The following FHIT variants were observed in gnomAD, a reference collection of about 807,000 sequenced individuals.
FHIT encodes bis(5'-adenosyl)-triphosphatase.
FHIT carries 19 observed loss-of-function variants against 17.9 expected under a neutral mutation model. The observed-to-expected ratio is 1.06, with a 90% CI of 0.74 to 1.56. The LOEUF (loss-of-function observed/expected upper bound fraction) is 1.56. Among genes scored for constraint, FHIT ranks in the 40% most tolerant of loss-of-function variants. The pLI is 0.00. For synonymous variants in FHIT, 81 were observed against 69.7 expected (o/e 1.16, Z -0.81); for missense variants, 248 against 189.2 (o/e 1.31, Z -1.82).
intron 4 of FHIT, among the ~76,000 whole-genome samples, chr3:60,573,380 C>T (rs1244155184): frequency 6.6e-6 from 1 of 152,184 alleles, no homozygotes; most frequent in Non-Finnish European, 1.5e-5. Context: ...ATGCTTTCCT[C>T]ACAAATGTCC....
chr3:60,113,800 G>T (rs1245700909), intron 5 of FHIT, among the ~76,000 whole-genome samples: 1 of 149,908 alleles, frequency 6.7e-6, no homozygotes, highest in Non-Finnish European at 1.5e-5. Context: ...AGGAGATCGA[G>T]ACCATCCTGG....
intron 5 of FHIT, among the ~76,000 whole-genome samples, chr3:60,097,358 G>T (rs1461600929): frequency 6.6e-6 from 1 of 152,042 alleles, no homozygotes; most frequent in Non-Finnish European, 1.5e-5. Flanking sequence ...AGGAGCCCAG[G>T]GTAGTGCTAC....
intron 7 of FHIT, among the ~76,000 whole-genome samples, chr3:60,005,370 T>C (rs897223652): frequency 6.6e-6 from 1 of 152,086 alleles, no homozygotes; most frequent in Non-Finnish European, 1.5e-5. Context: ...AGAGAGGAAG[T>C]TTCCCAAAGG....
chr3:60,160,713 T>C (rs1225249624), intron 5 of FHIT, among the ~76,000 whole-genome samples: 5 of 152,122 alleles, frequency 3.3e-5, no homozygotes, highest in Non-Finnish European at 5.9e-5. Context: ...AGCTAAACTG[T>C]TTTTTATCAA....
At chr3:61,100,528 CAT>C (rs2035785971) in intron 2 of FHIT, among the ~76,000 whole-genome samples, 1 of 152,156 alleles carries the variant, frequency 6.6e-6, no homozygotes, top group African/African-American at 2.4e-5. Flanking sequence ...CATACATGTG[CAT>C]ATGTCTTTAT....
chr3:60,953,981 C>T (rs569733025), intron 3 of FHIT, among the ~76,000 whole-genome samples: 1 of 152,122 alleles, frequency 6.6e-6, no homozygotes, highest in Non-Finnish European at 1.5e-5. Context: ...ATTAATGGAG[C>T]CCAAAGGGTT....
chr3:61,067,099 G>A (rs2034638570), intron 2 of FHIT, among the ~76,000 whole-genome samples: 3 of 152,186 alleles, frequency 2.0e-5, no homozygotes, highest in African/African-American at 7.2e-5. Context: ...GAGGACCCTG[G>A]CAGCACATGA....
At chr3:59,925,437 C>A (rs1336301681) in intron 7 of FHIT, among the ~76,000 whole-genome samples, 1 of 152,154 alleles carries the variant, frequency 6.6e-6, no homozygotes, top group African/African-American at 2.4e-5. Flanking sequence ...GCTTCTCTGG[C>A]TTTCTGCACT....
intron 5 of FHIT, among the ~76,000 whole-genome samples, chr3:60,218,511 A>C (rs1374342275): frequency 1.3e-5 from 2 of 152,168 alleles, no homozygotes; most frequent in Non-Finnish European, 2.9e-5. Flanking sequence ...GCATTCTAAC[A>C]AATGTTATCT....
At chr3:59,954,897 G>T (rs554402045) in intron 7 of FHIT, among the ~76,000 whole-genome samples, 1 of 152,140 alleles carries the variant, frequency 6.6e-6, no homozygotes, top group Non-Finnish European at 1.5e-5. Context: ...GTTCCAGAAG[G>T]TAATCACTTT....
At chr3:60,676,363 C>G (rs1471469468) in intron 4 of FHIT, among the ~76,000 whole-genome samples, 1 of 152,176 alleles carries the variant, frequency 6.6e-6, no homozygotes, top group Non-Finnish European at 1.5e-5. Context: ...CAAAGGCTGA[C>G]ACTTCTGATA....
intron 4 of FHIT, among the ~76,000 whole-genome samples, chr3:60,696,101 G>T (rs1398615676): frequency 1.3e-5 from 2 of 151,988 alleles, no homozygotes; most frequent in Non-Finnish European, 1.5e-5. Flanking sequence ...GGGTAATGCT[G>T]CTTTAAAAGA....
intron 5 of FHIT, among the ~76,000 whole-genome samples, chr3:60,175,459 A>G (rs540402858): frequency 2.0e-5 from 3 of 152,180 alleles, no homozygotes; most frequent in Non-Finnish European, 4.4e-5. Flanking sequence ...CCTAGTTATA[A>G]TATCTTGGAA....
intron 4 of FHIT, among the ~76,000 whole-genome samples, chr3:60,652,106 C>A (rs1217132250): frequency 6.6e-6 from 1 of 152,086 alleles, no homozygotes; most frequent in Non-Finnish European, 1.5e-5. Context: ...CAGAAAGAAT[C>A]GAGCCTCAGA....
chr3:60,982,561 T>C (rs1710541214), intron 3 of FHIT, among the ~76,000 whole-genome samples: 1 of 152,214 alleles, frequency 6.6e-6, no homozygotes, highest in South Asian at 2.1e-4. Context: ...CCATTTGTTG[T>C]CCTTTCTGCT....
At chr3:60,165,064 C>A (rs1326736246) in intron 5 of FHIT, among the ~76,000 whole-genome samples, 1 of 152,100 alleles carries the variant, frequency 6.6e-6, no homozygotes, top group Non-Finnish European at 1.5e-5. Context: ...TTTCACAAGC[C>A]AGGCAAATAA....
At chr3:60,104,936 C>CCT (rs1704344669) in intron 5 of FHIT, among the ~76,000 whole-genome samples, 2 of 152,032 alleles carry the variant, frequency 1.3e-5, no homozygotes, top group South Asian at 4.2e-4. Context: ...TGTTTAATAT[C>CCT]CTCTCTTGAA....
chr3:60,321,500 C>T (rs184000705), intron 5 of FHIT, among the ~76,000 whole-genome samples: 1 of 152,024 alleles, frequency 6.6e-6, no homozygotes, highest in Non-Finnish European at 1.5e-5. Flanking sequence ...ATTCTTATAG[C>T]CACCTAAAAG....
chr3:60,446,496 T>C (rs548310437), intron 5 of FHIT, among the ~76,000 whole-genome samples: 3 of 152,264 alleles, frequency 2.0e-5, no homozygotes, highest in African/African-American at 7.2e-5. Flanking sequence ...TTAAGGCCTG[T>C]GGGGTACACT....
Sources: gnomAD v4.1 joint callset for allele counts (sites outside exome capture counted in the v4.1 genomes callset) on GRCh38, gnomAD v4.1.1 for gene constraint, MANE v1.5 for transcripts, NCBI Gene and HGNC (gene_info 2026-07-23, HGNC 2026-07-21) for gene names.